LPCAT2: variants seen among roughly 807,000 people sequenced by gnomAD.
LPCAT2 encodes 1-AGP acyltransferase 11.
In LPCAT2, 58 loss-of-function variants were observed where a neutral mutation model predicts 64.7. The ratio of observed to expected loss-of-function variants is 0.90; its 90% CI spans 0.73 to 1.12. LPCAT2 has a LOEUF of 1.12. Among genes scored for constraint, LPCAT2 ranks in the 50% most tolerant of loss-of-function variants. The pLI is 0.00. For synonymous variants in LPCAT2, 252 were observed against 245.3 expected (o/e 1.03, Z -0.26); for missense variants, 579 against 669.8 (o/e 0.86, Z 1.50).
intron 2 of LPCAT2, among the ~76,000 whole-genome samples, chr16:55,526,632 C>A (rs1262488380): frequency 6.6e-6 from 1 of 152,134 alleles, no homozygotes; most frequent in Non-Finnish European, 1.5e-5. Context: ...TCTTGCAAAT[C>A]ATACTCCTTT....
intron 11 of LPCAT2, among the ~76,000 whole-genome samples, chr16:55,569,373 C>T (rs533751505): frequency 6.6e-6 from 1 of 152,294 alleles, no homozygotes; most frequent in East Asian, 1.9e-4. Flanking sequence ...CCAGCAACCA[C>T]ACATTAATAA....
At chr16:55,564,079 A>G (rs765778193) in intron 11 of LPCAT2, among the ~76,000 whole-genome samples, 5 of 151,972 alleles carry the variant, frequency 3.3e-5, no homozygotes, top group Admixed American at 6.6e-5. Flanking sequence ...CTGAAAAGGA[A>G]ACTAAGAAAA....
chr16:55,512,655 G>A (rs905147857), intron 1 of LPCAT2, among the ~76,000 whole-genome samples: 6 of 152,204 alleles, frequency 3.9e-5, no homozygotes, highest in African/African-American at 1.2e-4. Context: ...TTCCTGAGCT[G>A]TGTATTTACA....
chr16:55,513,849 T>A (rs1396863030), intron 1 of LPCAT2, among the ~76,000 whole-genome samples: 1 of 152,276 alleles, frequency 6.6e-6, no homozygotes, highest in East Asian at 1.9e-4. Flanking sequence ...CTGTCTTTAT[T>A]TGATTTGTCT....
At chr16:55,520,313 G>A (rs1595306) in intron 1 of LPCAT2, among the ~76,000 whole-genome samples, 72,702 of 151,852 alleles carry the variant, frequency 0.48, 18,088 homozygotes, top group Non-Finnish European at 0.55. Flanking sequence ...TTCTTTAAAC[G>A]GTCAGTGGGA....
chr16:55,521,970 A>C (rs1055894256), intron 1 of LPCAT2, among the ~76,000 whole-genome samples: 1 of 151,722 alleles, frequency 6.6e-6, no homozygotes, highest in African/African-American at 2.4e-5. Context: ...TCTGTTCAAC[A>C]TTACGCTAGG....
At chr16:55,559,406 AATGT>A (rs1321343439) in intron 11 of LPCAT2, among the ~76,000 whole-genome samples, 11 of 152,158 alleles carry the variant, frequency 7.2e-5, no homozygotes, top group African/African-American at 2.7e-4. Flanking sequence ...ATGTGGAATG[AATGT>A]GTTTCTTTAT....
intron 13 of LPCAT2, among the ~76,000 whole-genome samples, chr16:55,582,156 G>A (rs1036911097): frequency 1.3e-5 from 2 of 152,048 alleles, no homozygotes; most frequent in South Asian, 2.1e-4. Context: ...AAAGCACAAC[G>A]AAGTTTTATA....
chr16:55,577,062 G>A (rs1294332074), intron 12 of LPCAT2, among the ~76,000 whole-genome samples: 12 of 152,128 alleles, frequency 7.9e-5, no homozygotes, highest in African/African-American at 2.9e-4. Context: ...CTGAGTCCTG[G>A]CAATTACTGT....
At chr16:55,565,165 T>G (rs1279629966) in intron 11 of LPCAT2, among the ~76,000 whole-genome samples, 1 of 151,186 alleles carries the variant, frequency 6.6e-6, no homozygotes, top group African/African-American at 2.4e-5. Flanking sequence ...TTTACAGCCA[T>G]TAGGATGGCT....
intron 1 of LPCAT2, among the ~76,000 whole-genome samples, chr16:55,509,989 G>GTTTTTTTTTTTTTTTT (rs1196878080): frequency 1.2e-4 from 8 of 65,196 alleles, no homozygotes; most frequent in Admixed American, 3.5e-4. Context: ...ATTTGAAGAA[G>GTTTTTTTTTTTTTTTT]TCTTTTTTTT....
chr16:55,533,885 A>C (rs1963289535), intron 6 of LPCAT2, among the ~76,000 whole-genome samples: 1 of 152,146 alleles, frequency 6.6e-6, no homozygotes, highest in African/African-American at 2.4e-5. Flanking sequence ...TTATATTAAA[A>C]GCCAGGATAT....
intron 1 of LPCAT2, 126 bp downstream of exon 1, chr16:55,509,478 G>A: frequency 9.7e-7 from 1 of 1,030,176 alleles, no homozygotes; most frequent in South Asian, 2.9e-5. Flanking sequence ...GAGGGAGTGA[G>A]GTGGTCCGAG....
intron 11 of LPCAT2, among the ~76,000 whole-genome samples, chr16:55,562,703 A>G (rs1160025239): frequency 6.6e-6 from 1 of 151,926 alleles, no homozygotes. Context: ...GTCCTGATAC[A>G]TAATAAATCA....
chr16:55,519,029 T>G (rs901750090), intron 1 of LPCAT2, among the ~76,000 whole-genome samples: 1 of 152,130 alleles, frequency 6.6e-6, no homozygotes, highest in African/African-American at 2.4e-5. Flanking sequence ...ATTATACATT[T>G]GATAAGAGTA....
chr16:55,520,854 C>T (rs1398414134), intron 1 of LPCAT2, among the ~76,000 whole-genome samples: 1 of 151,774 alleles, frequency 6.6e-6, no homozygotes, highest in African/African-American at 2.4e-5. Flanking sequence ...GCAGTTAAAG[C>T]AGTGTTTGCA....
At chr16:55,526,905 G>A (rs1352682229) in intron 2 of LPCAT2, among the ~76,000 whole-genome samples, 1 of 152,144 alleles carries the variant, frequency 6.6e-6, no homozygotes, top group East Asian at 1.9e-4. Context: ...ACCAGACTTA[G>A]AGCCATTCTT....
At chr16:55,533,180 A>G (rs1366807238) in intron 6 of LPCAT2, among the ~76,000 whole-genome samples, 1 of 152,114 alleles carries the variant, frequency 6.6e-6, no homozygotes, top group African/African-American at 2.4e-5. Context: ...TCTCATTAGA[A>G]TGAATAGTTA....
chr16:55,512,671 G>A (rs937787162), intron 1 of LPCAT2, among the ~76,000 whole-genome samples: 2 of 152,198 alleles, frequency 1.3e-5, no homozygotes, highest in South Asian at 4.1e-4. Flanking sequence ...TTACAAAGGA[G>A]CCTTCAAGGA....
Sources: gnomAD v4.1 joint callset for allele counts (sites outside exome capture counted in the v4.1 genomes callset) on GRCh38, gnomAD v4.1.1 for gene constraint, MANE v1.5 for transcripts, NCBI Gene and HGNC (gene_info 2026-07-23, HGNC 2026-07-21) for gene names.